The following PCM1 variants were observed in gnomAD, a reference collection of about 807,000 sequenced individuals.
The protein encoded by PCM1 is pericentriolar material 1, also known as pericentriolar material 1 protein.
A neutral mutation model predicts 241.9 loss-of-function variants in PCM1; 157 were observed. That is an observed-to-expected ratio of 0.65 (90% CI 0.57 to 0.74). The LOEUF is 0.74. Among genes scored for constraint, PCM1 ranks in the 30% least tolerant of loss-of-function variants. The pLI is 0.00. For synonymous variants in PCM1, 1,085 were observed against 784.9 expected (o/e 1.38, Z -6.39); for missense variants, 3,478 against 2,360.1 (o/e 1.47, Z -9.81).
At chr8:17,987,217 T>C (rs2082908093) in intron 26 of PCM1, among the ~76,000 whole-genome samples, 1 of 151,840 alleles carries the variant, frequency 6.6e-6, no homozygotes, top group African/African-American at 2.4e-5. Context: ...TAATTGAAAA[T>C]TGTGTATTCC....
chr8:17,958,982 A>G (rs1353575649), intron 13 of PCM1, among the ~76,000 whole-genome samples: 1 of 152,194 alleles, frequency 6.6e-6, no homozygotes, highest in Non-Finnish European at 1.5e-5. Context: ...TTGGCTTCCC[A>G]AAGTGCTCAG....
chr8:17,962,844 A>T, intron 16 of PCM1: 2 of 255,494 alleles, frequency 7.8e-6, no homozygotes, highest in Non-Finnish European at 1.5e-5. Flanking sequence ...CAGAGGTTGC[A>T]GTGAGCCGAG....
intron 2 of PCM1, chr8:17,927,313 T>G (rs1642279291): frequency 6.6e-6 from 1 of 152,020 alleles, no homozygotes; most frequent in Admixed American, 6.6e-5. Context: ...GCGTTTTTAG[T>G]AGAGGCGGAG....
At chr8:17,995,119 A>C (rs1428643999) in intron 29 of PCM1, among the ~76,000 whole-genome samples, 1 of 151,262 alleles carries the variant, frequency 6.6e-6, no homozygotes, top group African/African-American at 2.5e-5. Flanking sequence ...TGTCCTGCAG[A>C]GTTTCCCCAC....
At chr8:17,996,011 T>G (rs1031647360) in intron 29 of PCM1, among the ~76,000 whole-genome samples, 1 of 152,194 alleles carries the variant, frequency 6.6e-6, no homozygotes, top group Non-Finnish European at 1.5e-5. Context: ...CCTTTCCAGT[T>G]TGGATCCCCT....
chr8:17,929,998 T>G (rs2129446807), intron 2 of PCM1, among the ~76,000 whole-genome samples: 1 of 152,202 alleles, frequency 6.6e-6, no homozygotes, highest in Admixed American at 6.5e-5. Flanking sequence ...AAACTGCAGA[T>G]AAGGTGGGGA....
rs752933937 is a variant in PCM1, at chr8:17,972,549, G to T, written c.3805G>T (p.Asp1269Tyr). 1.5e-5 allele frequency: 25 copies of T among 1,613,706 alleles called. No homozygotes were observed. In the Middle Eastern group the frequency reaches 4.9e-4, roughly 32 times the overall value. ...CTTTAGCAGTATGCCTGATCCAGTA[G>T]ATCCAACAACAGTGACTAAAACATT... ...ESFSSMPDPVDPTTVTKTFKT... is the reference protein window; with the variant it reads ...ESFSSMPDPVYPTTVTKTFKT... Residue 1269 changes from aspartate (D) to tyrosine (Y), a missense_variant, in exon 23 of 39, where the codon GAT becomes TAT. Physicochemically the swap from Asp to Tyr is radical, Grantham distance 160. Coordinates refer to ENST00000325083, the MANE Select transcript of PCM1 (RefSeq NM_006197.4).
chr8:17,951,994 G>C (rs1481004629), intron 8 of PCM1, among the ~76,000 whole-genome samples: 1 of 152,030 alleles, frequency 6.6e-6, no homozygotes, highest in Admixed American at 6.6e-5. Flanking sequence ...AGGCCGAGGC[G>C]GGTGGATCAC....
intron 36 of PCM1, among the ~76,000 whole-genome samples, chr8:18,016,759 C>A (rs1199426583): frequency 6.6e-6 from 1 of 152,208 alleles, no homozygotes; most frequent in Non-Finnish European, 1.5e-5. Flanking sequence ...TTTGTTCAGT[C>A]ATCTTAATCC....
intron 2 of PCM1, among the ~76,000 whole-genome samples, chr8:17,930,781 G>A (rs759694785): frequency 7.2e-5 from 11 of 152,094 alleles, no homozygotes; most frequent in Admixed American, 2.0e-4. Context: ...TGGGGAGGCT[G>A]AGGCAGGAGA....
intron 15 of PCM1, 98 bp downstream of exon 15, chr8:17,960,542 T>TTTTTTTTTTTTTTTG (rs1586890974): frequency 1.1e-6 from 1 of 942,590 alleles, no homozygotes; most frequent in Non-Finnish European, 1.5e-6. Flanking sequence ...TCTTTTTTTT[T>TTTTTTTTTTTTTTTG]GAGGCAGAGT....
Position 17,972,664 on chromosome 8 carries a change from T to C in PCM1, c.3920T>C (p.Leu1307Pro), listed in dbSNP as rs1289890896. The C allele has an allele frequency of 1.3e-6, 2 of 1,559,134 alleles. No individual in the cohort carries two copies. The highest frequency in any genetic ancestry group is 1.7e-6 in the Non-Finnish European group (2 of 1,156,190). The change falls in exon 23 of 39, where the codon CTG becomes CCG. Residue 1307 changes from leucine (L) to proline (P), a missense_variant. Leu to Pro is a moderately conservative substitution (Grantham distance 98). Coordinates refer to ENST00000325083, the MANE Select transcript of PCM1 (RefSeq NM_006197.4). ...SKSKKRNSTQ[L>P]KSRVKNIRYE... ...AGTAAGAAGAGGAATTCTACTCAGC[T>C]GAAAAGCAGAGTTAAAAACATCAGT...
chr8:18,007,958 A>T lies in PCM1; in HGVS notation c.4962+1561A>T, dbSNP rs547027714. Among the ~76,000 whole-genome samples the T allele has an allele frequency of 1.1e-3, 166 of 152,324 alleles. 1 individual carries two copies. The highest frequency in any genetic ancestry group is 3.8e-3 in the African/African-American group (158 of 41,566). On this transcript the variant is annotated intron_variant, in intron 30 of 38. Transcript: ENST00000325083. ...GTTTTACTAAAAATGTATACAGTAT[A>T]CTTCCTTATTTGAAGATTCTCAACC... is the stretch of plus-strand genomic sequence containing the variant.
chr8:17,941,728 G>A (rs2062118929), intron 6 of PCM1, among the ~76,000 whole-genome samples: 1 of 152,098 alleles, frequency 6.6e-6, no homozygotes, highest in Middle Eastern at 3.2e-3. Flanking sequence ...ACAGGTTTCA[G>A]ACATTGACGT....
chr8:18,005,751 G>T (rs189290914), intron 29 of PCM1, among the ~76,000 whole-genome samples: 43 of 152,256 alleles, frequency 2.8e-4, no homozygotes, highest in Non-Finnish European at 5.6e-4. Context: ...TGTCGAGGTG[G>T]TGTAGGGAGG....
At chr8:17,974,493 C>G (rs181099122) in intron 23 of PCM1, among the ~76,000 whole-genome samples, 1 of 152,258 alleles carries the variant, frequency 6.6e-6, no homozygotes, top group African/African-American at 2.4e-5. Context: ...GATTCTGATT[C>G]ATTTGACTTG....
chr8:17,993,541 C>G lies in PCM1; in HGVS notation c.4749C>G (p.Ile1583Met). Residue 1583 changes from isoleucine to methionine, a missense_variant, in exon 29 of 39, where the codon ATC becomes ATG. Ile to Met is a conservative substitution (Grantham distance 10). Coordinates refer to ENST00000325083, the MANE Select transcript of PCM1 (RefSeq NM_006197.4). The part of the protein sequence containing the change: ...SQQPVSEVST[I>M]PCPRIDTQQL... ...AACCTGTAAGTGAAGTTTCTACCATCCCATGTCCTAGAATTGATACTCAGC... is the reference window on the plus strand; with the variant it reads ...AACCTGTAAGTGAAGTTTCTACCATGCCATGTCCTAGAATTGATACTCAGC... 1 of 1,594,558 alleles carries G rather than the reference C, an allele frequency of 6.3e-7. No homozygotes were observed. Among genetic ancestry groups the G allele is most frequent in the Non-Finnish European group, 8.6e-7 (1 of 1,169,470 alleles).
In PCM1 at chr8:18,025,461, G is replaced by C. The variant is rs753276329; in HGVS notation, c.5934+8G>C. The stretch of plus-strand genomic sequence containing the variant: ...CTGACAATATATTCAGAGGTATTTA[G>C]CTGTCTTTAATTAAACTTGTCTTTA... On this transcript the variant is annotated splice_region_variant and intron_variant, in intron 37 of 38. Transcript: ENST00000325083. The C allele has an allele frequency of 6.4e-7, 1 of 1,553,298 alleles. No individual in the cohort carries two copies. The highest frequency in any genetic ancestry group is 8.8e-7 in the Non-Finnish European group (1 of 1,131,120).
At position 17,985,945 on chromosome 8, in the gene PCM1, A is replaced by G. The variant is rs1339792592; in HGVS notation, c.4282-14A>G. 1 of 1,460,844 alleles carries G rather than the reference A, an allele frequency of 6.8e-7. No individual in the cohort carries two copies. The highest frequency in any genetic ancestry group is 1.8e-4 in the Middle Eastern group (1 of 5,616). 90.5% of individuals were successfully genotyped at this position (1,460,844 alleles called of 1,614,324 possible). On this transcript the variant is annotated splice_polypyrimidine_tract_variant and intron_variant, in intron 25 of 38. Coordinates refer to ENST00000325083, the MANE Select transcript of PCM1 (RefSeq NM_006197.4). ...TATGTTTTATATAAATGATGATCTT[A>G]TTTTCTTATTTAGGACATAGTATCC...
Sources: allele counts gnomAD v4.1 joint callset (sites outside exome capture counted in the v4.1 genomes callset), GRCh38; gene constraint gnomAD v4.1.1; transcripts MANE v1.5; gene names NCBI Gene and HGNC (gene_info 2026-07-23, HGNC 2026-07-21).